USP30: variants seen among roughly 807,000 people sequenced by gnomAD.
USP30 encodes ubiquitin specific peptidase 30.
In USP30, 41 loss-of-function variants were observed where a neutral mutation model predicts 68.2. The ratio of observed to expected loss-of-function variants is 0.60; its 90% CI spans 0.47 to 0.78. USP30 has a LOEUF of 0.78. Among genes scored for constraint, USP30 ranks in the 30% least tolerant of loss-of-function variants. USP30 has a pLI of 0.00. For synonymous variants in USP30, 229 were observed against 253.7 expected, an observed-to-expected ratio of 0.90 and a Z score of 0.93; for missense variants, 522 against 649.4, an observed-to-expected ratio of 0.80 and a Z score of 2.13.
intron 8 of USP30, 111 bp downstream of exon 8, chr12:109,081,504 G>A: frequency 8.9e-7 from 1 of 1,123,396 alleles, no homozygotes. Context: ...CAGATACATG[G>A]TTGGTTGAAC....
intron 3 of USP30, among the ~76,000 whole-genome samples, chr12:109,035,370 A>ATTTTAT (rs374521130): frequency 6.6e-5 from 9 of 137,228 alleles, no homozygotes; most frequent in Admixed American, 1.4e-4. Context: ...ATTTTATTTT[A>ATTTTAT]TTTATTTATT....
At chr12:109,066,247 CAAA>C (rs35466141) in intron 3 of USP30, among the ~76,000 whole-genome samples, 3 of 96,026 alleles carry the variant, frequency 3.1e-5, no homozygotes, top group Non-Finnish European at 2.0e-5. Context: ...GACCCTGTCT[CAAA>C]AAAAAAAAAA....
upstream of USP30, among the ~76,000 whole-genome samples, chr12:109,050,785 G>A (rs1170180114): frequency 6.6e-6 from 1 of 151,948 alleles, no homozygotes; most frequent in Admixed American, 6.6e-5. Context: ...GAGGCGGATG[G>A]ATCACGAGGT....
intron 3 of USP30, among the ~76,000 whole-genome samples, chr12:109,045,816 C>T (rs150693719): frequency 2.7e-4 from 41 of 152,158 alleles, no homozygotes; most frequent in African/African-American, 9.2e-4. Context: ...CAATAGAACG[C>T]GTGTGTATGT....
intron 7 of USP30, among the ~76,000 whole-genome samples, chr12:109,078,423 C>CAAA (rs35164265): frequency 8.2e-6 from 1 of 121,954 alleles, no homozygotes; most frequent in Non-Finnish European, 1.7e-5. Flanking sequence ...GACTGAGTCT[C>CAAA]AAAAAAAAAA....
chr12:109,045,943 G>A (rs1373637375), intron 3 of USP30, among the ~76,000 whole-genome samples: 1 of 152,044 alleles, frequency 6.6e-6, no homozygotes, highest in Non-Finnish European at 1.5e-5. Context: ...TTAAAGAATT[G>A]GCTCACACAG....
In USP30 at chr12:109,058,056, G is replaced by T. The variant is rs368139119; in HGVS notation, c.324G>T (p.Lys108Asn). ...EFTSQYSRDQ[K>N]EPPSHQYLSL... The stretch of plus-strand genomic sequence containing the variant: ...CCTCCCAGTACTCCAGGGATCAGAA[G>T]GAGCCCCCCTCACACCAGTATTTAT... Residue 108 changes from lysine to asparagine, a missense_variant, in exon 3 of 13, where the codon AAG becomes AAT. Coordinates refer to ENST00000257548, the MANE Select transcript of USP30 (RefSeq NM_032663.5). The T allele has an allele frequency of 6.2e-7, 1 of 1,613,986 alleles. No individual in the cohort carries two copies. Among genetic ancestry groups the T allele is most frequent in the Non-Finnish European group, 8.5e-7 (1 of 1,180,028 alleles).
In USP30 at chr12:109,079,318, CTCTTTTTT is replaced by C. The variant is rs1459689003; in HGVS notation, c.721-2009_721-2002del. Reference sequence around the variant, plus strand: ...TCTTCACGTTCACTGATTCTTTTTTCTCTTTTTTTCTTTTCTTTTTCTTTTTTTTTTTC... The same window carrying C: ...TCTTCACGTTCACTGATTCTTTTTTCTCTTTTCTTTTTCTTTTTTTTTTTC... On this transcript the variant is annotated intron_variant, in intron 7 of 12. Transcript: ENST00000257548. Among the ~76,000 whole-genome samples, 144 of 85,252 alleles carry C rather than the reference CTCTTTTTT, an allele frequency of 1.7e-3. 2 individuals are homozygous for C. Among genetic ancestry groups the C allele is most frequent in the African/African-American group, 6.0e-3 (141 of 23,400 alleles). 55.9% of individuals were successfully genotyped at this position (85,252 alleles called of 152,430 possible).
At chr12:109,027,180 C>T (rs959046750) in intron 2 of USP30, among the ~76,000 whole-genome samples, 2 of 152,224 alleles carry the variant, frequency 1.3e-5, no homozygotes, top group African/African-American at 4.8e-5. Flanking sequence ...CTATTGACTT[C>T]CAGATCTTGA....
At chr12:109,081,620 C>CGT (rs1555262244) in intron 8 of USP30, 4 of 540,750 alleles carry the variant, frequency 7.4e-6, no homozygotes, top group African/African-American at 2.6e-5. Context: ...CGCACGCATG[C>CGT]GCGCACACAC....
intron 9 of USP30, chr12:109,082,392 T>C: frequency 1.8e-6 from 1 of 540,844 alleles, no homozygotes; most frequent in South Asian, 2.5e-5. Context: ...GGAACAGAAT[T>C]TTTGAAGACA....
rs151019398 is a variant in USP30 at position 109,074,239 on chromosome 12, T to C, written c.720+707T>C. 4.6e-5 allele frequency among the ~76,000 whole-genome samples: 7 copies of C among 152,354 alleles called. No homozygotes were observed. The East Asian group carries it at 1.3e-3, about 29-fold the overall frequency. ...CTTTTATTACCAAATAATATTGCATTACATGGATCTACAACATTTTTATCC... is the reference window on the plus strand; with the variant it reads ...CTTTTATTACCAAATAATATTGCATCACATGGATCTACAACATTTTTATCC... On this transcript the variant is annotated intron_variant, in intron 7 of 12. Coordinates refer to ENST00000257548, the MANE Select transcript of USP30 (RefSeq NM_032663.5).
chr12:109,032,226 C>A (rs1312941013), intron 3 of USP30, among the ~76,000 whole-genome samples: 5 of 152,026 alleles, frequency 3.3e-5, no homozygotes, highest in African/African-American at 4.8e-5. Flanking sequence ...GTTGCTTGAG[C>A]CCAGGAGGCA....
At chr12:109,058,181 A>G (rs946790579) in intron 3 of USP30, 73 bp downstream of exon 3, 3 of 1,429,524 alleles carry the variant, frequency 2.1e-6, no homozygotes, top group Non-Finnish European at 2.9e-6. Flanking sequence ...CTCTTATAAC[A>G]AAGAGTTAAT....
intron 3 of USP30, among the ~76,000 whole-genome samples, chr12:109,037,381 A>G (rs1482906666): frequency 6.6e-6 from 1 of 152,200 alleles, no homozygotes; most frequent in Non-Finnish European, 1.5e-5. Flanking sequence ...AAACTTATTT[A>G]AAGTCTTTGT....
Position 109,060,830 on chromosome 12 carries a change from T to A in USP30, c.376+2722T>A, listed in dbSNP as rs904654677. On this transcript the variant is annotated intron_variant, in intron 3 of 12. Transcript: ENST00000257548. ...CCACCACGCCTGGCTAGTTTTTGTA[T>A]TTTTAGTAGAGACAGGGTTTCACCA... 2.0e-5 allele frequency among the ~76,000 whole-genome samples: 3 copies of A among 152,282 alleles called. No individual in the cohort carries two copies. In the East Asian group the frequency reaches 5.8e-4, roughly 29 times the overall value.
intron 2 of USP30, among the ~76,000 whole-genome samples, chr12:109,025,229 G>T (rs2040435722): frequency 1.3e-5 from 2 of 152,086 alleles, no homozygotes; most frequent in Non-Finnish European, 2.9e-5. Context: ...TTTCTAGCTT[G>T]CAAATGGTCT....
Position 109,070,443 on chromosome 12 carries a change from C to G in USP30, c.481-1169C>G, listed in dbSNP as rs79998109. ...GCCGTGCGAAGGTCTGAGCACAGCCCGAAATGGGAATAAGCTGGATATGTT... is the reference window on the plus strand; with the variant it reads ...GCCGTGCGAAGGTCTGAGCACAGCCGGAAATGGGAATAAGCTGGATATGTT... On this transcript the variant is annotated intron_variant, in intron 4 of 12. Coordinates refer to ENST00000257548, the MANE Select transcript of USP30 (RefSeq NM_032663.5). The surrounding 1 kb of genome is among the most constrained non-coding windows in gnomAD (Gnocchi z 4.0). Among the ~76,000 whole-genome samples the G allele has an allele frequency of 6.6e-6, 1 of 151,640 alleles. No individual in the cohort carries two copies. Among genetic ancestry groups the G allele is most frequent in the Non-Finnish European group, 1.5e-5 (1 of 67,920 alleles).
intron 4 of USP30, among the ~76,000 whole-genome samples, chr12:109,068,617 A>G (rs2041334864): frequency 1.3e-5 from 2 of 152,200 alleles, no homozygotes; most frequent in Admixed American, 6.5e-5. Flanking sequence ...TTATTTATCT[A>G]CATTTTACAT....
Sources: allele counts gnomAD v4.1 joint callset (sites outside exome capture counted in the v4.1 genomes callset), GRCh38; gene constraint gnomAD v4.1.1; non-coding constraint Gnocchi (gnomAD v3.1); transcripts MANE v1.5; gene names NCBI Gene and HGNC (gene_info 2026-07-23, HGNC 2026-07-21).